XKR6: variants seen among roughly 807,000 people sequenced by gnomAD.
XKR6 encodes the protein XK related 6.
XKR6 carries 22 observed loss-of-function variants against 56.7 expected under a neutral mutation model. The observed-to-expected ratio is 0.39, with a 90% CI of 0.28 to 0.55. The LOEUF is 0.55. Among genes scored for constraint, XKR6 ranks in the 20% least tolerant of loss-of-function variants. The pLI is 0.66. For missense variants in XKR6, 852 were observed against 889.0 expected (o/e 0.96, Z 0.53); for synonymous variants, 524 against 387.8 (o/e 1.35, Z -4.13).
chr8:11,061,443 G>T (rs1426342731), intron 1 of XKR6, among the ~76,000 whole-genome samples: 1 of 146,736 alleles, frequency 6.8e-6, no homozygotes, highest in Non-Finnish European at 1.5e-5. Context: ...TGCCAGTCAG[G>T]GTGACAGAGT....
chr8:10,991,175 A>G (rs1797984424), intron 1 of XKR6, among the ~76,000 whole-genome samples: 1 of 152,060 alleles, frequency 6.6e-6, no homozygotes, highest in Non-Finnish European at 1.5e-5. Context: ...AAGTGCTGGG[A>G]TTACAGGCGT....
chr8:10,926,192 G>A (rs1286163122), intron 1 of XKR6, among the ~76,000 whole-genome samples: 3 of 152,198 alleles, frequency 2.0e-5, no homozygotes, highest in Non-Finnish European at 2.9e-5. Flanking sequence ...CTGCCGGATG[G>A]TCTGTTCTGT....
At chr8:11,111,076 G>A (rs895927328) in intron 1 of XKR6, among the ~76,000 whole-genome samples, 6 of 142,730 alleles carry the variant, frequency 4.2e-5, no homozygotes, top group Non-Finnish European at 6.0e-5. Flanking sequence ...GGATGGTCTC[G>A]ATCTCCTGAC....
At chr8:11,157,507 T>TA (rs1801580148) in intron 1 of XKR6, among the ~76,000 whole-genome samples, 1 of 152,046 alleles carries the variant, frequency 6.6e-6, no homozygotes, top group African/African-American at 2.4e-5. Context: ...TGTATGTATG[T>TA]ATGTATGTAT....
chr8:11,046,367 C>T (rs1282362581), intron 1 of XKR6, among the ~76,000 whole-genome samples: 1 of 151,766 alleles, frequency 6.6e-6, no homozygotes, highest in Non-Finnish European at 1.5e-5. Flanking sequence ...ACCACTGCAT[C>T]CCAGCCTGGG....
At chr8:11,129,593 A>G (rs933084285) in intron 1 of XKR6, among the ~76,000 whole-genome samples, 1 of 152,188 alleles carries the variant, frequency 6.6e-6, no homozygotes, top group Admixed American at 6.5e-5. Flanking sequence ...ACAGAATACC[A>G]TGCGCTGTTA....
intron 1 of XKR6, among the ~76,000 whole-genome samples, chr8:11,000,504 G>A (rs1047871257): frequency 2.0e-5 from 3 of 152,076 alleles, no homozygotes; most frequent in African/African-American, 7.2e-5. Context: ...TAGCCAGCAT[G>A]GTGAAACCCC....
intron 2 of XKR6, among the ~76,000 whole-genome samples, chr8:10,903,009 A>G (rs1214410076): frequency 6.6e-6 from 1 of 152,204 alleles, no homozygotes; most frequent in Non-Finnish European, 1.5e-5. Context: ...GAGACCAGGA[A>G]AGCCAGGCTC....
chr8:11,056,952 G>A (rs1267562825), intron 1 of XKR6, among the ~76,000 whole-genome samples: 1 of 152,178 alleles, frequency 6.6e-6, no homozygotes, highest in Non-Finnish European at 1.5e-5. Flanking sequence ...CCACAGGCAA[G>A]GTGGATTCTA....
intron 2 of XKR6, among the ~76,000 whole-genome samples, chr8:10,923,715 G>C (rs1040496012): frequency 6.6e-6 from 1 of 152,216 alleles, no homozygotes; most frequent in Non-Finnish European, 1.5e-5. Context: ...GTGACACGGA[G>C]GGCCTCCTGG....
At chr8:11,161,048 A>G (rs1801780660) in intron 1 of XKR6, among the ~76,000 whole-genome samples, 1 of 152,138 alleles carries the variant, frequency 6.6e-6, no homozygotes, top group Non-Finnish European at 1.5e-5. Flanking sequence ...TTAAGATTCC[A>G]TAATATTATA....
chr8:11,081,104 A>G (rs1028054349), intron 1 of XKR6, among the ~76,000 whole-genome samples: 7 of 152,236 alleles, frequency 4.6e-5, no homozygotes, highest in Admixed American at 4.6e-4. Flanking sequence ...AAGGACTGCA[A>G]GAAGCCGTCT....
chr8:11,019,591 A>G (rs955893388), intron 1 of XKR6, among the ~76,000 whole-genome samples: 1 of 152,208 alleles, frequency 6.6e-6, no homozygotes, highest in African/African-American at 2.4e-5. Context: ...AGCTGTACCC[A>G]GGCCCAGGTC....
At chr8:11,147,845 T>C (rs547879973) in intron 1 of XKR6, among the ~76,000 whole-genome samples, 10 of 152,130 alleles carry the variant, frequency 6.6e-5, no homozygotes, top group South Asian at 2.1e-4. Context: ...CTAAAATTCA[T>C]AGGAAGGCCT....
intron 1 of XKR6, among the ~76,000 whole-genome samples, chr8:10,978,141 C>T: frequency 6.6e-6 from 1 of 152,158 alleles, no homozygotes; most frequent in African/African-American, 2.4e-5. Flanking sequence ...CAATGAGGGC[C>T]TAGCCCCACC....
intron 1 of XKR6, among the ~76,000 whole-genome samples, chr8:11,018,418 G>A (rs371240102): frequency 6.6e-6 from 1 of 152,350 alleles, no homozygotes; most frequent in East Asian, 1.9e-4. Context: ...CAGGAAGGGA[G>A]CGATGGCAAG....
chr8:11,132,335 A>G (rs1800143607), intron 1 of XKR6, among the ~76,000 whole-genome samples: 1 of 151,956 alleles, frequency 6.6e-6, no homozygotes, highest in Non-Finnish European at 1.5e-5. Context: ...CCAAACCTAA[A>G]TAACTTACTT....
intron 1 of XKR6, among the ~76,000 whole-genome samples, chr8:10,927,882 C>A (rs1800942028): frequency 6.6e-6 from 1 of 152,154 alleles, no homozygotes; most frequent in Non-Finnish European, 1.5e-5. Context: ...CCAGGCAAAA[C>A]CGTTTGGACA....
At chr8:10,950,406 G>T (rs935023880) in intron 1 of XKR6, among the ~76,000 whole-genome samples, 1 of 152,174 alleles carries the variant, frequency 6.6e-6, no homozygotes, top group Admixed American at 6.5e-5. Context: ...AGGGCTGGGG[G>T]AGAGTGACTG....
Sources: gnomAD v4.1 joint callset for allele counts (sites outside exome capture counted in the v4.1 genomes callset) on GRCh38, gnomAD v4.1.1 for gene constraint, MANE v1.5 for transcripts, NCBI Gene and HGNC (gene_info 2026-07-23, HGNC 2026-07-21) for gene names.